The following SLC6A13 variants were observed in gnomAD, a reference collection of about 807,000 sequenced individuals.
SLC6A13 encodes the protein solute carrier family 6 member 13, also known as sodium- and chloride-dependent GABA transporter 2.
SLC6A13 carries 69 observed loss-of-function variants against 72.9 expected under a neutral mutation model. That is an observed-to-expected ratio of 0.95 (90% CI 0.78 to 1.16). The LOEUF (loss-of-function observed/expected upper bound fraction) is 1.16. Ranked by LOEUF, SLC6A13 falls within the 50% of genes most tolerant of loss-of-function variation. The probability of loss-of-function intolerance (pLI) is 0.00; values close to 1 mark genes in which losing one functional copy is unlikely to be tolerated. For missense variants in SLC6A13, 735 were observed against 760.5 expected, an observed-to-expected ratio of 0.97 and a Z score of 0.39; for synonymous variants, 303 against 303.0, an observed-to-expected ratio of 1.00 and a Z score of 0.00.
At chr12:261,508 T>C (rs1267792146) in intron 1 of SLC6A13, among the ~76,000 whole-genome samples, 1 of 152,224 alleles carries the variant, frequency 6.6e-6, no homozygotes, top group East Asian at 1.9e-4. Flanking sequence ...TGGCCTCTTT[T>C]CTGGAGAAGG....
intron 8 of SLC6A13, 111 bp downstream of exon 8, chr12:227,454 G>C: frequency 6.5e-7 from 1 of 1,536,592 alleles, no homozygotes; most frequent in Non-Finnish European, 8.8e-7. Context: ...GGTGTAGACA[G>C]GGGGGCAGAT....
At chr12:252,024 T>G (rs1942572537) in intron 2 of SLC6A13, among the ~76,000 whole-genome samples, 1 of 152,054 alleles carries the variant, frequency 6.6e-6, no homozygotes, top group African/African-American at 2.4e-5. Context: ...AAAAATAGTA[T>G]TTGTAAAATG....
At chr12:236,231 C>G (rs1941926898) in intron 6 of SLC6A13, among the ~76,000 whole-genome samples, 2 of 152,168 alleles carry the variant, frequency 1.3e-5, no homozygotes, top group Non-Finnish European at 2.9e-5. Flanking sequence ...AGCATGAGAT[C>G]TTTGTACCTA....
chr12:242,825 G>A (rs1942215104), intron 3 of SLC6A13, 71 bp from the exon 4 acceptor site: 1 of 1,445,396 alleles, frequency 6.9e-7, no homozygotes, highest in Admixed American at 2.0e-5. Context: ...TTTCAGCTAT[G>A]CGGGACGCTG....
At chr12:229,729 C>T (rs561353989) in intron 7 of SLC6A13, among the ~76,000 whole-genome samples, 299 of 152,306 alleles carry the variant, frequency 2.0e-3, no homozygotes, top group African/African-American at 6.9e-3. Context: ...CCTGACGGTG[C>T]GCTGGGTGCA....
intron 1 of SLC6A13, 195 bp downstream of exon 1, chr12:262,594 A>C (rs757362968): frequency 3.4e-6 from 2 of 591,388 alleles, no homozygotes; most frequent in Non-Finnish European, 4.3e-6. Flanking sequence ...AGTGTCACTT[A>C]AGTCAACAGC....
intron 9 of SLC6A13, among the ~76,000 whole-genome samples, chr12:225,950 C>T (rs1282044348): frequency 6.6e-6 from 1 of 152,144 alleles, no homozygotes; most frequent in Non-Finnish European, 1.5e-5. Flanking sequence ...GGAAACTTCG[C>T]CTTGAGATTC....
intron 14 of SLC6A13, 72 bp from the exon 15 acceptor site, chr12:221,142 C>T (rs910681955): frequency 7.3e-6 from 11 of 1,514,832 alleles, no homozygotes; most frequent in Admixed American, 6.2e-5. Context: ...TCATCACCAA[C>T]ATCTGCTGCC....
At chr12:236,499 C>T (rs1941936919) in intron 6 of SLC6A13, among the ~76,000 whole-genome samples, 1 of 152,252 alleles carries the variant, frequency 6.6e-6, no homozygotes, top group Non-Finnish European at 1.5e-5. Context: ...GAGCCACAGC[C>T]TCCCCTCTTC....
intron 6 of SLC6A13, among the ~76,000 whole-genome samples, chr12:236,047 C>T (rs1941919099): frequency 6.6e-6 from 1 of 152,174 alleles, no homozygotes; most frequent in African/African-American, 2.4e-5. Context: ...TTTATCAAGA[C>T]AATACGTGCA....
Position 242,904 on chromosome 12 carries a change from C to A in SLC6A13, c.338-150G>T, listed in dbSNP as rs181258683. ...AGGGAAACTGCTATTTTTGTAACTC[C>A]CTGTGGATCTATAATTATTTCAAAA... On this transcript the variant is annotated intron_variant, in intron 3 of 14. Transcript: ENST00000343164. 102 of 521,292 alleles carry A rather than the reference C, an allele frequency of 2.0e-4. No individual in the cohort carries two copies. The Middle Eastern group carries it at 2.4e-3, about 12-fold the overall frequency. 32.3% of individuals were successfully genotyped at this position (521,292 alleles called of 1,614,324 possible).
chr12:238,017 A>T lies in SLC6A13; in HGVS notation c.479-7T>A. On this transcript the variant is annotated splice_polypyrimidine_tract_variant and splice_region_variant and intron_variant, in intron 4 of 14. Transcript: ENST00000343164. ...TGGAACTCCATACAGTGTTCTACCC[A>T]TGGGTCACGAGGAGGGAAAAAAGAG... The T allele has an allele frequency of 6.2e-7, 1 of 1,612,612 alleles. No individual in the cohort carries two copies. The highest frequency in any genetic ancestry group is 8.5e-7 in the Non-Finnish European group (1 of 1,178,628).
chr12:255,108 G>A (rs74057646), intron 2 of SLC6A13, among the ~76,000 whole-genome samples: 8,209 of 152,292 alleles, frequency 0.054, 587 homozygotes, highest in East Asian at 0.31. Context: ...TTGCTTAGAT[G>A]GGTGCTAGCA....
Position 226,418 on chromosome 12 carries a change from C to A in SLC6A13, c.1032G>T (p.Gly344=), listed in dbSNP as rs563873847. Residue 344 remains glycine (G), a synonymous_variant, in exon 9 of 15, where the codon GGG becomes GGT. Transcript: ENST00000343164. ...ACTCGGCCACCTCAGAAATGGGCAC[C>A]CCCTGCTCCTGAGACATGAAGCCCA... ...SILGFMSQEQ[G]VPISEVAESG... is the part of the protein sequence containing the mutation. 3 of 1,614,112 alleles carry A rather than the reference C, an allele frequency of 1.9e-6. No homozygotes were observed. Among genetic ancestry groups the A allele is most frequent in the Non-Finnish European group, 1.7e-6 (2 of 1,179,966 alleles).
intron 11 of SLC6A13, 90 bp from the exon 12 acceptor site, chr12:223,324 G>T: frequency 4.1e-6 from 3 of 723,522 alleles, no homozygotes; most frequent in South Asian, 1.9e-5. Flanking sequence ...CACGGTGGAG[G>T]CACAGAGCAG....
chr12:255,862 C>G (rs989693963), intron 2 of SLC6A13, among the ~76,000 whole-genome samples: 4 of 152,258 alleles, frequency 2.6e-5, no homozygotes, highest in African/African-American at 7.2e-5. Context: ...CTTCTATTCA[C>G]TTGCCCAGCT....
In SLC6A13 at chr12:237,177, C is replaced by A. The variant is rs760801577; in HGVS notation, c.677G>T (p.Gly226Val). The A allele has an allele frequency of 6.2e-7, 1 of 1,614,090 alleles. No individual in the cohort carries two copies. Among genetic ancestry groups the A allele is most frequent in the Non-Finnish European group, 8.5e-7 (1 of 1,179,996 alleles). ...ACGAACCTTGCCTGTGGACTTCACCCCCTTCCAGATGCAGAAGTAGCAGAT... is the reference window on the plus strand; with the variant it reads ...ACGAACCTTGCCTGTGGACTTCACCACCTTCCAGATGCAGAAGTAGCAGAT... Reference protein sequence around the residue: ...WVICYFCIWKGVKSTGKVVYF... With the variant: ...WVICYFCIWKVVKSTGKVVYF... Residue 226 changes from glycine (G) to valine (V), a missense_variant, in exon 6 of 15, where the codon GGG (glycine) becomes GTG (valine). Coordinates refer to ENST00000343164, the MANE Select transcript of SLC6A13 (RefSeq NM_016615.5).
chr12:237,861 T>C, intron 5 of SLC6A13, 65 bp downstream of exon 5: 1 of 1,215,794 alleles, frequency 8.2e-7, no homozygotes, highest in Non-Finnish European at 1.2e-6. Context: ...CCTTGGTGTG[T>C]ACTCCTCCCC....
intron 7 of SLC6A13, among the ~76,000 whole-genome samples, chr12:230,677 A>C (rs1941672915): frequency 6.6e-6 from 1 of 152,134 alleles, no homozygotes; most frequent in African/African-American, 2.4e-5. Context: ...TCATCAAAAG[A>C]CTGCTTGAGA....
Sources: allele counts gnomAD v4.1 joint callset (sites outside exome capture counted in the v4.1 genomes callset), GRCh38; gene constraint gnomAD v4.1.1; transcripts MANE v1.5; gene names NCBI Gene and HGNC (gene_info 2026-07-23, HGNC 2026-07-21).